Variants in TDRD1 observed in about 807,000 individuals in gnomAD.
TDRD1 encodes the protein tudor domain containing 1.
A neutral mutation model predicts 140.6 loss-of-function variants in TDRD1; 37 were observed. The observed-to-expected ratio is 0.26, with a 90% CI of 0.20 to 0.35. The LOEUF is 0.35. Ranked by LOEUF, TDRD1 falls within the 10% of genes least tolerant of loss-of-function variation. TDRD1 has a pLI of 1.00. For synonymous variants in TDRD1, 506 were observed against 475.7 expected (o/e 1.06, Z -0.83); for missense variants, 1,243 against 1,393.0 (o/e 0.89, Z 1.71).
At chr10:114,201,544 A>G in intron 5 of TDRD1, 29 bp downstream of exon 5, 2 of 1,581,146 alleles carry the variant, frequency 1.3e-6, no homozygotes, top group Non-Finnish European at 1.7e-6. Flanking sequence ...TTTATTCATT[A>G]AGGATTATGT....
intron 21 of TDRD1, among the ~76,000 whole-genome samples, chr10:114,225,638 T>C (rs1361378902): frequency 6.6e-6 from 1 of 151,930 alleles, no homozygotes; most frequent in Non-Finnish European, 1.5e-5. Context: ...GGCAGTAGGA[T>C]AGCTTGAATT....
intron 19 of TDRD1, 136 bp downstream of exon 19, chr10:114,220,979 T>A (rs1390616464): frequency 1.6e-6 from 1 of 608,644 alleles, no homozygotes; most frequent in Non-Finnish European, 2.8e-6. Flanking sequence ...GTTAATATTG[T>A]ATTATTATTA....
At position 114,191,307 on chromosome 10, in the gene TDRD1, C is replaced by T. The variant is rs144368579; in HGVS notation, c.384+288C>T. On this transcript the variant is annotated intron_variant, in intron 3 of 25. Transcript: ENST00000251864. ...GGGTTATTGATACACCATCAAGATA[C>T]GGAACATTTCCATCACTACAAGGGT... is the stretch of plus-strand genomic sequence containing the variant. 3.9e-3 allele frequency among the ~76,000 whole-genome samples: 597 copies of T among 152,256 alleles called. 6 individuals are homozygous for T. The highest frequency in any genetic ancestry group is 0.014 in the African/African-American group (575 of 41,524).
intron 25 of TDRD1, chr10:114,228,159 T>C (rs2036549231): frequency 6.5e-7 from 1 of 1,538,822 alleles, no homozygotes; most frequent in Non-Finnish European, 8.7e-7. Flanking sequence ...TTTCGCCTCT[T>C]CTGTGATCAC....
At position 114,221,347 on chromosome 10, in the gene TDRD1, A is replaced by G. The variant is rs778315973; in HGVS notation, c.2771-10A>G. ...ATTCCGTGTGAGACCTGTGTTTTGT[A>G]TGTTTCCAGCTACCTCTTCAGCTGA... On this transcript the variant is annotated splice_polypyrimidine_tract_variant and intron_variant, in intron 19 of 25. Coordinates refer to ENST00000251864, the Ensembl canonical transcript of TDRD1. 5.0e-6 allele frequency: 8 copies of G among 1,612,216 alleles called. No individual in the cohort carries two copies. Among genetic ancestry groups the G allele is most frequent in the African/African-American group, 4.0e-5 (3 of 74,840 alleles).
chr10:114,222,037 A>G (rs2036175333), intron 20 of TDRD1, among the ~76,000 whole-genome samples: 1 of 152,222 alleles, frequency 6.6e-6, no homozygotes, highest in Non-Finnish European at 1.5e-5. Flanking sequence ...AATAATTTGC[A>G]GGCACTTTTA....
intron 3 of TDRD1, among the ~76,000 whole-genome samples, chr10:114,192,284 T>C (rs2034024725): frequency 6.8e-6 from 1 of 146,528 alleles, no homozygotes; most frequent in South Asian, 2.1e-4. Context: ...AAAAGTTTGA[T>C]AGTTTTCCTT....
intron 3 of TDRD1, among the ~76,000 whole-genome samples, chr10:114,191,850 T>A (rs1589664210): frequency 6.6e-6 from 1 of 152,208 alleles, no homozygotes; most frequent in African/African-American, 2.4e-5. Flanking sequence ...GTATGAGAGC[T>A]TCAGTTTCTC....
intron 4 of TDRD1, among the ~76,000 whole-genome samples, chr10:114,200,193 A>G (rs2034636120): frequency 6.6e-6 from 1 of 152,200 alleles, no homozygotes; most frequent in Admixed American, 6.5e-5. Context: ...TTCAGTACGT[A>G]AGTCTTACTT....
chr10:114,210,073 C>T (rs796123047), intron 11 of TDRD1, among the ~76,000 whole-genome samples: 3 of 152,060 alleles, frequency 2.0e-5, no homozygotes, highest in African/African-American at 7.2e-5. Context: ...TTAGGTTAGC[C>T]CTAATTATTT....
intron 11 of TDRD1, among the ~76,000 whole-genome samples, chr10:114,208,808 T>A (rs551144116): frequency 2.3e-4 from 35 of 151,244 alleles, no homozygotes; most frequent in African/African-American, 8.0e-4. Flanking sequence ...AGAGTCTCGC[T>A]CTGTCACCAG....
At chr10:114,231,743 G>A (rs1004439137) in exon 26 of TDRD1, 2 of 498,506 alleles carry the variant, frequency 4.0e-6, no homozygotes, top group Non-Finnish European at 6.9e-6. Flanking sequence ...GAGAATACTG[G>A]CAAGGAATAC....
rs959218148 is a variant in TDRD1, at chr10:114,201,396, G to A, written c.530-14G>A. On this transcript the variant is annotated splice_polypyrimidine_tract_variant and intron_variant, in intron 4 of 25. Coordinates refer to ENST00000251864, the Ensembl canonical transcript of TDRD1. ...GATCTTCATCTGAACTATTTTGTGG[G>A]TGGTGTTTTCTAGGATCGCTGAGGT... is the stretch of plus-strand genomic sequence containing the variant. 11 of 1,605,728 alleles carry A rather than the reference G, an allele frequency of 6.9e-6. No homozygotes were observed. The highest frequency in any genetic ancestry group is 2.2e-5 in the East Asian group (1 of 44,852).
intron 11 of TDRD1, among the ~76,000 whole-genome samples, chr10:114,207,173 G>A (rs1470161249): frequency 6.6e-6 from 1 of 152,132 alleles, no homozygotes; most frequent in East Asian, 1.9e-4. Context: ...CTTTGCTCCT[G>A]TACTGATTGC....
chr10:114,182,672 T>G (rs563162827), intron 1 of TDRD1, among the ~76,000 whole-genome samples: 1 of 151,298 alleles, frequency 6.6e-6, no homozygotes, highest in African/African-American at 2.4e-5. Context: ...TTTAAAATAG[T>G]TTTTATCATA....
At chr10:114,195,472 A>C (rs1299644858) in intron 3 of TDRD1, among the ~76,000 whole-genome samples, 1 of 152,114 alleles carries the variant, frequency 6.6e-6, no homozygotes, top group Non-Finnish European at 1.5e-5. Context: ...CAATTCAGTT[A>C]GGCTTCATGT....
At chr10:114,201,348 A>AGTGT in intron 4 of TDRD1, 62 bp from the exon 5 acceptor site, 1 of 1,327,178 alleles carries the variant, frequency 7.5e-7, no homozygotes, top group Non-Finnish European at 1.1e-6. Context: ...TATTTGCTAA[A>AGTGT]GTGTGGACTT....
At chr10:114,218,264 T>C in intron 17 of TDRD1, 150 bp from the exon 18 acceptor site, 1 of 509,530 alleles carries the variant, frequency 2.0e-6, no homozygotes, top group Non-Finnish European at 3.4e-6. Flanking sequence ...TCTAGAGATT[T>C]TTGAATTTTG....
intron 14 of TDRD1, among the ~76,000 whole-genome samples, chr10:114,212,488 CAT>C (rs1237536384): frequency 6.6e-6 from 1 of 152,156 alleles, no homozygotes; most frequent in East Asian, 1.9e-4. Context: ...TTCTCATACA[CAT>C]TGGTGCATCA....
Sources: allele counts gnomAD v4.1 joint callset (sites outside exome capture counted in the v4.1 genomes callset), GRCh38; gene constraint gnomAD v4.1.1; transcripts MANE v1.5; gene names NCBI Gene and HGNC (gene_info 2026-07-23, HGNC 2026-07-21).